MIB2: variants seen among roughly 807,000 people sequenced by gnomAD.
MIB2 encodes MIB E3 ubiquitin protein ligase 2.
MIB2 carries 78 observed loss-of-function variants against 96.6 expected under a neutral mutation model. The observed-to-expected ratio is 0.81, with a 90% CI of 0.67 to 0.97. MIB2 has a LOEUF of 0.97. MIB2 is among the 50% of genes least tolerant of loss of function. The pLI is 0.00. For synonymous variants in MIB2, 820 were observed against 629.5 expected (o/e 1.30, Z -4.53); for missense variants, 1,543 against 1,424.0 (o/e 1.08, Z -1.35).
intron 1 of MIB2, 184 bp from the exon 2 acceptor site, chr1:1,616,324 C>A (rs948156195): frequency 3.8e-5 from 18 of 470,908 alleles, no homozygotes; most frequent in Non-Finnish European, 6.4e-5. Flanking sequence ...ATTACGGGCC[C>A]GGCGCTGGCG....
In MIB2 at chr1:1,627,202, G is replaced by A. The variant is rs1644870271; in HGVS notation, c.1369G>A (p.Glu457Lys). The change falls in exon 11 of 20, where the codon GAG becomes AAG. Residue 457 changes from glutamate to lysine, a missense_variant. By Grantham distance (56) the Glu-to-Lys change is moderately conservative (BLOSUM62 1). Coordinates refer to ENST00000355826, the MANE Select transcript of MIB2 (RefSeq NM_001170687.4). ...TCTGGACCTGCTGCGGAGGCGCCCA[G>A]AGCAGGCAAGCTCCTGACCCCGTCC... ...RALDLLRRRP[E>K]QVDTKNQGRT... 1.9e-6 allele frequency: 3 copies of A among 1,604,280 alleles called. No homozygotes were observed. Among genetic ancestry groups the A allele is most frequent in the Non-Finnish European group, 2.6e-6 (3 of 1,175,956 alleles).
Position 1,628,507 on chromosome 1 carries a change from G to T in MIB2, c.1987G>T (p.Val663Leu). 6.2e-7 allele frequency: 1 copy of T among 1,600,228 alleles called. No homozygotes were observed. Residue 663 changes from valine (V) to leucine (L), a missense_variant, in exon 16 of 20, where the codon GTG (valine) becomes TTG (leucine). Coordinates refer to ENST00000355826, the MANE Select transcript of MIB2 (RefSeq NM_001170687.4). Reference protein sequence around the residue: ...LIREGRCDVNVRNRKLQSPLH... With the variant: ...LIREGRCDVNLRNRKLQSPLH... ...TCCCCAGGGCCGCTGTGACGTGAAC[G>T]TGCGCAACCGGAAGCTGCAGTCCCC... is the stretch of plus-strand genomic sequence containing the variant.
Position 1,628,560 on chromosome 1 carries a change from C to T in MIB2, c.2040C>T (p.His680=), listed in dbSNP as rs753158997. 4 of 1,601,500 alleles carry T rather than the reference C, an allele frequency of 2.5e-6. No homozygotes were observed. In the Admixed American group the frequency reaches 5.0e-5, roughly 20 times the overall value. ...TGCATCTCGCCGTGCAACAGGCCCA[C>T]GTGGGGCTGGTGCCGCTACTGGTGG... ...SPLHLAVQQA[H]VGLVPLLVDA... The change falls in exon 16 of 20, where the codon CAC becomes CAT. Residue 680 remains histidine (H), a synonymous_variant. Transcript: ENST00000355826.
In MIB2 at chr1:1,615,602, T is replaced by G; in HGVS notation, c.-161T>G. 6.4e-7 allele frequency: 1 copy of G among 1,567,600 alleles called. No homozygotes were observed. Among genetic ancestry groups the G allele is most frequent in the East Asian group, 2.4e-5 (1 of 41,456 alleles). On this transcript the variant is annotated 5_prime_UTR_variant, in exon 1 of 20. Coordinates refer to ENST00000355826, the MANE Select transcript of MIB2 (RefSeq NM_001170687.4). ...CGTCCCCGAGTCGCTCCTAGGTCAC[T>G]GGCGCGATGCGGGCCGTCCTCTCGG...
At chr1:1,617,746 C>T (rs944471180) in intron 2 of MIB2, 1 of 152,156 alleles carries the variant, frequency 6.6e-6, no homozygotes, top group Non-Finnish European at 1.5e-5. Flanking sequence ...GCACATCTGT[C>T]GATCTGTCGC....
chr1:1,616,549 C>T lies in MIB2; in HGVS notation c.-88C>T. On this transcript the variant is annotated 5_prime_UTR_variant, in exon 2 of 20. Coordinates refer to ENST00000355826, the MANE Select transcript of MIB2 (RefSeq NM_001170687.4). ...AGGCTAGAGGCCAGTCCCAAAGTTTCCAGGCATCAGGGCTGCAGCCCAGGA... is the reference window on the plus strand; with the variant it reads ...AGGCTAGAGGCCAGTCCCAAAGTTTTCAGGCATCAGGGCTGCAGCCCAGGA... 6.2e-7 allele frequency: 1 copy of T among 1,603,054 alleles called. No individual in the cohort carries two copies. The highest frequency in any genetic ancestry group is 1.1e-5 in the South Asian group (1 of 89,614).
rs1644944236 is a variant in MIB2, at chr1:1,627,744, G to T, written c.1595G>T (p.Ser532Ile). Residue 532 changes from serine (S) to isoleucine (I), a missense_variant, in exon 13 of 20, where the codon AGC becomes ATC. Physicochemically the swap from Ser to Ile is moderately radical, Grantham distance 142. Transcript: ENST00000355826. ...CRADAINSTQ[S>I]TALHVAVQRG... ...GCGGACGCCATCAACAGCACCCAGA[G>T]CACAGCACTGCACGTGGCCGTGCAG... 1 of 1,596,534 alleles carries T rather than the reference G, an allele frequency of 6.3e-7. No individual in the cohort carries two copies. The highest frequency in any genetic ancestry group is 8.5e-7 in the Non-Finnish European group (1 of 1,178,908).
chr1:1,626,389 G>C lies in MIB2; in HGVS notation c.973-261G>C, dbSNP rs192313503. The C allele has an allele frequency of 5.5e-4, 281 of 506,390 alleles. No homozygotes were observed. The highest frequency in any genetic ancestry group is 5.2e-3 in the African/African-American group (268 of 51,448). The allele number at this position is 506,390 out of a possible 1,614,324, so 31.4% of individuals were successfully genotyped here. Reference sequence around the variant, plus strand: ...CAGCTTCCCAGGGCCAGCCACCTCGGCTTCACACCTGCCCAGAGCTGGCTT... The same window carrying C: ...CAGCTTCCCAGGGCCAGCCACCTCGCCTTCACACCTGCCCAGAGCTGGCTT... On this transcript the variant is annotated intron_variant, in intron 8 of 19. Coordinates refer to ENST00000355826, the MANE Select transcript of MIB2 (RefSeq NM_001170687.4). This position sits in a 1 kb window ranked among gnomAD's most constrained non-coding sequence, Gnocchi z 5.3.
At chr1:1,622,612 G>A (rs1371792599) in intron 2 of MIB2, among the ~76,000 whole-genome samples, 1 of 152,234 alleles carries the variant, frequency 6.6e-6, no homozygotes. Context: ...CTTGTGCTCT[G>A]TGTGGCGAGT....
rs1214592880 is a variant in MIB2, at chr1:1,629,114, C to T, written c.2203-19C>T. ...CTGCCCCGGCGCCCGCCCTCACCGG[C>T]GTCTGTCCTGCCGCCCAGCTACAGG... On this transcript the variant is annotated intron_variant, in intron 16 of 19. Transcript: ENST00000355826. 6.2e-6 allele frequency: 9 copies of T among 1,453,106 alleles called. No homozygotes were observed. The East Asian group carries it at 2.0e-4, about 32-fold the overall frequency. The allele number at this position is 1,453,106 out of a possible 1,614,324, so 90.0% of individuals were successfully genotyped here.
chr1:1,625,641 G>C lies in MIB2; in HGVS notation c.960G>C (p.Gly320=), dbSNP rs1485449337. 35 of 1,561,204 alleles carry C rather than the reference G, an allele frequency of 2.2e-5. No individual in the cohort carries two copies. Among genetic ancestry groups the C allele is most frequent in the Non-Finnish European group, 3.0e-5 (35 of 1,152,936 alleles). The stretch of plus-strand genomic sequence containing the variant: ...AGACGCGCTGGACCTTCCACCCCGG[G>C]GCGCTCACCAAGGTGCCGGGGGGGC... ...NHETRWTFHP[G]ALTKHHSFWV... is the part of the protein sequence containing the mutation. The change falls in exon 8 of 20, where the codon GGG becomes GGC. Residue 320 remains glycine (G), a synonymous_variant. Transcript: ENST00000355826. The surrounding 1 kb of genome is among the most constrained non-coding windows in gnomAD (Gnocchi z 5.0).
intron 1 of MIB2, 190 bp from the exon 2 acceptor site, chr1:1,616,318 C>A (rs1643668263): frequency 2.2e-6 from 1 of 456,264 alleles, no homozygotes; most frequent in Non-Finnish European, 3.7e-6. Context: ...CACGCAATTA[C>A]GGGCCCGGCG....
intron 1 of MIB2, chr1:1,616,276 G>A (rs935313082): frequency 9.8e-6 from 4 of 409,074 alleles, no homozygotes; most frequent in African/African-American, 2.1e-5. Context: ...GCCTCCTGAC[G>A]TCTGCGAGCC....
chr1:1,627,651 C>T (rs1644932781), intron 12 of MIB2, 22 bp from the exon 13 acceptor site: 3 of 1,585,328 alleles, frequency 1.9e-6, no homozygotes, highest in Middle Eastern at 3.3e-4. Flanking sequence ...CGCCCTCCCT[C>T]TCCCACTTCC....
chr1:1,622,236 G>A (rs1644325604), intron 2 of MIB2, among the ~76,000 whole-genome samples: 1 of 152,240 alleles, frequency 6.6e-6, no homozygotes, highest in South Asian at 2.1e-4. Context: ...GGTCCTAGTG[G>A]TTTAATGAAA....
chr1:1,624,520 C>T (rs1347875323), intron 4 of MIB2, among the ~76,000 whole-genome samples: 2 of 152,214 alleles, frequency 1.3e-5, no homozygotes, highest in South Asian at 4.1e-4. Flanking sequence ...CGAGGGTGGG[C>T]CCGGGTGCCT....
At chr1:1,629,097 G>C in intron 16 of MIB2, 36 bp from the exon 17 acceptor site, 1 of 1,410,838 alleles carries the variant, frequency 7.1e-7, no homozygotes, top group Admixed American at 3.3e-5. Flanking sequence ...GCCTGCCCCG[G>C]CGCCCGCCCT....
In MIB2 at chr1:1,626,652, C is replaced by G. The variant is rs780528113; in HGVS notation, c.975C>G (p.His325Gln). 5.7e-6 allele frequency: 9 copies of G among 1,568,628 alleles called. No homozygotes were observed. The highest frequency in any genetic ancestry group is 7.8e-6 in the Non-Finnish European group (9 of 1,158,302). Residue 325 changes from histidine to glutamine, a missense_variant and splice_region_variant, in exon 9 of 20, where the codon CAC (histidine) becomes CAG (glutamine). His to Gln is a conservative substitution (Grantham distance 24). Coordinates refer to ENST00000355826, the MANE Select transcript of MIB2 (RefSeq NM_001170687.4). The surrounding 1 kb of genome is among the most constrained non-coding windows in gnomAD (Gnocchi z 5.3). ...TCACGCCCCTCTTTGTCGCTCAGCA[C>G]CACTCCTTCTGGGTGGGCGACGTGG... Reference protein sequence around the residue: ...WTFHPGALTKHHSFWVGDVVR... With the variant: ...WTFHPGALTKQHSFWVGDVVR...
In MIB2 at chr1:1,623,965, G is replaced by T; in HGVS notation, c.419+20G>T. ...GCGCCCGTGAGTCCCGGGCCGCACC[G>T]GCTCCTGTGCGGCGGGTACCCAGGC... On this transcript the variant is annotated intron_variant, in intron 4 of 19. Transcript: ENST00000355826. The T allele has an allele frequency of 6.3e-7, 1 of 1,592,350 alleles. No individual in the cohort carries two copies. Among genetic ancestry groups the T allele is most frequent in the South Asian group, 1.1e-5 (1 of 89,514 alleles).
Sources: allele counts gnomAD v4.1 joint callset (sites outside exome capture counted in the v4.1 genomes callset), GRCh38; gene constraint gnomAD v4.1.1; non-coding constraint Gnocchi (gnomAD v3.1); transcripts MANE v1.5; gene names NCBI Gene and HGNC (gene_info 2026-07-23, HGNC 2026-07-21).